The following SYNPR variants were observed in gnomAD, a reference collection of about 807,000 sequenced individuals.
SYNPR encodes synaptoporin.
A neutral mutation model predicts 32.9 loss-of-function variants in SYNPR; 23 were observed. That is an observed-to-expected ratio of 0.70 (90% CI 0.50 to 0.99). The LOEUF (loss-of-function observed/expected upper bound fraction) is 0.99, where lower values mean the gene tolerates loss of function less well. SYNPR is among the 50% of genes least tolerant of loss of function. SYNPR has a pLI of 0.00. For synonymous variants in SYNPR, 146 were observed against 135.9 expected, an observed-to-expected ratio of 1.07 and a Z score of -0.52; for missense variants, 318 against 349.3, an observed-to-expected ratio of 0.91 and a Z score of 0.71.
chr3:63,234,331 C>T (rs1394102988), intron 1 of SYNPR, among the ~76,000 whole-genome samples: 3 of 152,136 alleles, frequency 2.0e-5, no homozygotes, highest in East Asian at 1.9e-4. Context: ...TCCCACCACA[C>T]GTGGGAATTC....
intron 3 of SYNPR, among the ~76,000 whole-genome samples, chr3:63,537,830 C>G (rs1264440935): frequency 6.6e-6 from 1 of 152,126 alleles, no homozygotes; most frequent in Non-Finnish European, 1.5e-5. Flanking sequence ...CCAGGGTAAG[C>G]TGAGCTTCCT....
intron 4 of SYNPR, among the ~76,000 whole-genome samples, chr3:63,604,493 TC>T (rs34488024): frequency 6.6e-6 from 1 of 152,200 alleles, no homozygotes; most frequent in Non-Finnish European, 1.5e-5. Context: ...GCTATAAACT[TC>T]CCTCTTAACA....
chr3:63,270,719 GATA>G (rs1375145357), intron 3 of SYNPR, among the ~76,000 whole-genome samples: 1 of 152,164 alleles, frequency 6.6e-6, no homozygotes, highest in Non-Finnish European at 1.5e-5. Flanking sequence ...ATAAGATGTG[GATA>G]ATAATAACTA....
chr3:63,267,464 A>G lies in SYNPR; in HGVS notation n.287+15A>G, dbSNP rs542866198. ...AAGAGGGGCAGGTAAGTGGTCCCCA[A>G]TAGTGGAAGTTGAGAGCATCTTTCT... is the stretch of plus-strand genomic sequence containing the variant. On this transcript the variant is annotated intron_variant and non_coding_transcript_variant, in intron 3 of 4. Coordinates refer to the SYNPR transcript ENST00000478456. 8 of 152,366 alleles carry G rather than the reference A, an allele frequency of 5.3e-5. No individual in the cohort carries two copies. In the South Asian group the frequency reaches 1.0e-3, roughly 20 times the overall value. The allele number at this position is 152,366 out of a possible 1,614,324, so 9.4% of individuals were successfully genotyped here.
At chr3:63,517,906 G>A (rs1029590593) in intron 3 of SYNPR, among the ~76,000 whole-genome samples, 6 of 152,112 alleles carry the variant, frequency 3.9e-5, no homozygotes, top group African/African-American at 1.2e-4. Context: ...AAGACAAATA[G>A]GGAAATAAAA....
intron 2 of SYNPR, among the ~76,000 whole-genome samples, chr3:63,441,566 CG>C (rs1700176766): frequency 1.3e-5 from 2 of 152,124 alleles, no homozygotes; most frequent in Non-Finnish European, 2.9e-5. Context: ...ACTTAAATGC[CG>C]GGTGATTCTA....
chr3:63,580,158 A>C (rs1037175343), intron 4 of SYNPR, among the ~76,000 whole-genome samples: 5 of 152,134 alleles, frequency 3.3e-5, no homozygotes, highest in Non-Finnish European at 5.9e-5. Context: ...AAAGTTCATC[A>C]AAACCACTGT....
the SYNPR span, among the ~76,000 whole-genome samples, chr3:63,217,609 G>T: frequency 6.8e-6 from 1 of 147,848 alleles, no homozygotes; most frequent in Non-Finnish European, 1.5e-5. Context: ...CCCACTGTCT[G>T]GCACTCCCTA....
chr3:63,211,359 G>A, the SYNPR span, among the ~76,000 whole-genome samples: 9 of 152,150 alleles, frequency 5.9e-5, no homozygotes, highest in Non-Finnish European at 1.0e-4. Flanking sequence ...GAGCCACCGT[G>A]CCCGGCCAAG....
At chr3:63,391,008 T>C (rs1162638826) in intron 2 of SYNPR, among the ~76,000 whole-genome samples, 1 of 152,232 alleles carries the variant, frequency 6.6e-6, no homozygotes, top group Non-Finnish European at 1.5e-5. Flanking sequence ...AAGTCCTCAA[T>C]ATTTGTTGAA....
At chr3:63,329,865 T>C (rs2106981002) in intron 2 of SYNPR, among the ~76,000 whole-genome samples, 1 of 152,182 alleles carries the variant, frequency 6.6e-6, no homozygotes, top group East Asian at 1.9e-4. Context: ...CACAAAGGGG[T>C]CCTTTGCTTG....
chr3:63,554,682 G>A (rs1251372415), intron 3 of SYNPR, among the ~76,000 whole-genome samples: 1 of 151,616 alleles, frequency 6.6e-6, no homozygotes, highest in East Asian at 1.9e-4. Flanking sequence ...AGACTGTTTT[G>A]GCTATTCAGG....
chr3:63,275,658 ATGACCTT>A (rs2086568542), upstream of SYNPR, among the ~76,000 whole-genome samples: 1 of 152,224 alleles, frequency 6.6e-6, no homozygotes, highest in Non-Finnish European at 1.5e-5. Context: ...AAATATGTAG[ATGACCTT>A]AGGCATGTTA....
At chr3:63,220,558 A>C in the SYNPR span, among the ~76,000 whole-genome samples, 1 of 152,178 alleles carries the variant, frequency 6.6e-6, no homozygotes, top group Admixed American at 6.5e-5. Context: ...GAAGGAGAGA[A>C]GACTTGCTCT....
intron 2 of SYNPR, among the ~76,000 whole-genome samples, chr3:63,328,682 A>T (rs975353534): frequency 1.3e-5 from 2 of 152,114 alleles, no homozygotes; most frequent in Admixed American, 6.6e-5. Context: ...TAAACATCCA[A>T]TTGGAGAGTT....
At chr3:63,224,873 T>C (rs1230932741), upstream of SYNPR, among the ~76,000 whole-genome samples, 2 of 152,208 alleles carry the variant, frequency 1.3e-5, no homozygotes, top group South Asian at 2.1e-4. Flanking sequence ...TCAAGGTAGA[T>C]TGCCTGGACG....
intron 3 of SYNPR, among the ~76,000 whole-genome samples, chr3:63,514,320 G>A (rs186781892): frequency 2.6e-5 from 4 of 152,298 alleles, no homozygotes; most frequent in Admixed American, 6.5e-5. Context: ...TTGTCTTCAG[G>A]GTGAGTAACG....
At chr3:63,386,586 A>G (rs2088048540) in intron 2 of SYNPR, among the ~76,000 whole-genome samples, 1 of 136,806 alleles carries the variant, frequency 7.3e-6, no homozygotes, top group Non-Finnish European at 1.5e-5. Context: ...GAGTAAGAGC[A>G]GAGTTGGATT....
intron 2 of SYNPR, among the ~76,000 whole-genome samples, chr3:63,353,994 T>C (rs150568808): frequency 3.9e-5 from 6 of 152,328 alleles, no homozygotes; most frequent in Non-Finnish European, 7.4e-5. Flanking sequence ...GAAATCTGGC[T>C]GTCTGGGTTC....
Sources: allele counts gnomAD v4.1 joint callset (sites outside exome capture counted in the v4.1 genomes callset), GRCh38; gene constraint gnomAD v4.1.1; transcripts MANE v1.5; gene names NCBI Gene and HGNC (gene_info 2026-07-23, HGNC 2026-07-21).